EIF2D: variants seen among roughly 807,000 people sequenced by gnomAD.
EIF2D encodes the protein hepatocellular carcinoma-associated antigen 56.
EIF2D carries 56 observed loss-of-function variants against 77.4 expected under a neutral mutation model. That is an observed-to-expected ratio of 0.72 (90% confidence interval 0.58 to 0.90). The LOEUF is 0.90. Ranked by LOEUF, EIF2D falls within the 40% of genes least tolerant of loss-of-function variation. The pLI, the probability that EIF2D is intolerant of heterozygous loss-of-function variation, is 0.00. For synonymous variants in EIF2D, 230 were observed against 271.0 expected, an observed-to-expected ratio of 0.85 and a Z score of 1.49; for missense variants, 574 against 706.5, an observed-to-expected ratio of 0.81 and a Z score of 2.13.
intron 2 of EIF2D, among the ~76,000 whole-genome samples, chr1:206,582,573 G>A (rs949488955): frequency 1.3e-5 from 2 of 152,200 alleles, no homozygotes; most frequent in African/African-American, 4.8e-5. Flanking sequence ...AATTCTAGGT[G>A]TCCCTGTGCC....
downstream of EIF2D, chr1:206,587,142 C>T (rs7541244): frequency 0.18 from 155,714 of 863,092 alleles, 15,565 homozygotes; most frequent in East Asian, 0.24. Context: ...AGTGTTTGCA[C>T]GAGGGTTCAG....
downstream of EIF2D, chr1:206,588,122 C>T (rs1669199256): frequency 6.5e-6 from 1 of 152,830 alleles, no homozygotes; most frequent in South Asian, 2.1e-4. Context: ...TCCCCGTCGA[C>T]CTCAGTGCCT....
rs1057513218 is a variant in EIF2D at position 206,593,149 on chromosome 1, T to A, written c.1684+470A>T. ...CTTAGACTCTGGAGTCTAAAAAAGT[T>A]TCGTGCCCAGCTATATCACTCAAGA... On this transcript the variant is annotated intron_variant, in intron 14 of 14. Transcript: ENST00000271764. Among the ~76,000 whole-genome samples, 7 of 151,916 alleles carry A rather than the reference T, an allele frequency of 4.6e-5. No homozygotes were observed. In the East Asian group the frequency reaches 1.4e-3, roughly 29 times the overall value.
intron 2 of EIF2D, chr1:206,585,411 G>A: frequency 1.3e-6 from 1 of 765,972 alleles, no homozygotes; most frequent in Non-Finnish European, 2.3e-6. Flanking sequence ...GCAGGAAGGT[G>A]ACTGTTGAGA....
At chr1:206,596,996 A>G (rs996013270) in intron 12 of EIF2D, 104 bp downstream of exon 12, 2 of 861,140 alleles carry the variant, frequency 2.3e-6, no homozygotes, top group Admixed American at 4.4e-5. Context: ...TGAATTACAG[A>G]AAGAAAATCA....
exon 3 of EIF2D, chr1:206,581,145 C>T (rs1668857442): frequency 6.6e-6 from 1 of 152,242 alleles, no homozygotes; most frequent in African/African-American, 2.4e-5. Flanking sequence ...TTCTTAAACT[C>T]AGCCTCAGTT....
chr1:206,587,110 G>GC (rs1669149738), downstream of EIF2D: 1 of 1,170,138 alleles, frequency 8.5e-7, no homozygotes, highest in African/African-American at 1.5e-5. Context: ...TCCAGCTGTG[G>GC]CAAAAGTCTC....
intron 2 of EIF2D, chr1:206,583,803 G>A (rs974616616): frequency 5.2e-6 from 1 of 191,754 alleles, no homozygotes; most frequent in South Asian, 8.4e-5. Context: ...TTAGCACCCA[G>A]TTGGGAAAGG....
At position 206,584,863 on chromosome 1, in the gene EIF2D, C is replaced by A. The variant is rs1279487258; in HGVS notation, c.139-3701G>T. The A allele has an allele frequency of 1.1e-5, 7 of 664,372 alleles. No homozygotes were observed. Among genetic ancestry groups the A allele is most frequent in the Non-Finnish European group, 1.8e-5 (7 of 392,530 alleles). The allele number at this position is 664,372 out of a possible 1,614,324, so 41.2% of individuals were successfully genotyped here. A position where few individuals can be genotyped will look rare whatever the true frequency, so the allele number is the denominator to read the frequency against. On this transcript the variant is annotated intron_variant and NMD_transcript_variant, in intron 2 of 5. Transcript: ENST00000472709. The surrounding 1 kb of genome is among the most constrained non-coding windows in gnomAD (Gnocchi z 4.9). ...CGGGCAGGGAGGCAAGAGCAGAGTC[C>A]CTGACTCTGCATGTGACTTCAGGAA...
chr1:206,593,787 C>T lies in EIF2D; in HGVS notation c.1516G>A (p.Val506Met), dbSNP rs750328100. The T allele has an allele frequency of 5.9e-5, 95 of 1,598,476 alleles. No individual in the cohort carries two copies. The highest frequency in any genetic ancestry group is 7.5e-5 in the Non-Finnish European group (88 of 1,168,706). Residue 506 changes from valine to methionine, a missense_variant, in exon 14 of 15, where the codon GTG becomes ATG. Transcript: ENST00000271764. The part of the protein sequence containing the change: ...AQRASNKKVT[V>M]VRNLEAYGLD... ...CCATAGGCCTCCAAGTTCCGGACCA[C>T]GGTCACCTGGGGGGACAGTGGGGAC...
Position 206,573,063 on chromosome 1 carries a change from G to A in EIF2D, c.*255-364C>T, listed in dbSNP as rs555701509. ...TGATGATGATAATTTGGATGATGAC[G>A]CACTAGCTAACATTTATGGAGTGCT... On this transcript the variant is annotated intron_variant and NMD_transcript_variant, in intron 4 of 5. Coordinates refer to the EIF2D transcript ENST00000472709. 8.5e-5 allele frequency among the ~76,000 whole-genome samples: 13 copies of A among 152,312 alleles called. No homozygotes were observed. In the South Asian group the frequency reaches 2.1e-3, roughly 24 times the overall value.
exon 6 of EIF2D, chr1:206,571,417 G>A (rs1298276155): frequency 1.3e-5 from 2 of 152,078 alleles, no homozygotes; most frequent in Non-Finnish European, 2.9e-5. Context: ...GGCCTGGGAT[G>A]GGGTATTGGG....
chr1:206,575,658 A>G (rs1269188298), intron 4 of EIF2D, among the ~76,000 whole-genome samples: 1 of 152,186 alleles, frequency 6.6e-6, no homozygotes, highest in African/African-American at 2.4e-5. Flanking sequence ...CAATGATGAG[A>G]AAAAAACACC....
Position 206,611,213 on chromosome 1 carries a change from A to G in EIF2D, c.218T>C (p.Phe73Ser). The G allele has an allele frequency of 1.2e-6, 2 of 1,613,862 alleles. No homozygotes were observed. The highest frequency in any genetic ancestry group is 2.2e-5 in the East Asian group (1 of 44,884). The change falls in exon 2 of 15, where the codon TTT becomes TCT. Residue 73 changes from phenylalanine (F) to serine (S), a missense_variant. Transcript: ENST00000271764. The part of the protein sequence containing the change: ...VYVSGGNPIL[F>S]ELEKNLYPTV... ...TGGATACAGATTTTTCTCCAGTTCA[A>G]AGAGGATGGGGTTACCACCACTCAC... is the stretch of plus-strand genomic sequence containing the variant.
exon 5 of EIF2D, chr1:206,572,685 A>G (rs371706157): frequency 6.6e-6 from 1 of 152,234 alleles, no homozygotes; most frequent in East Asian, 1.9e-4. Flanking sequence ...GAGGTCCACA[A>G]AAACGTTTTA....
chr1:206,581,297 A>T (rs1392692715), intron 2 of EIF2D: 1 of 152,606 alleles, frequency 6.6e-6, no homozygotes, highest in African/African-American at 2.4e-5. Context: ...CGATGCCATG[A>T]TGGAAAGAGG....
At chr1:206,587,665 G>C (rs934247471), downstream of EIF2D, 2 of 153,494 alleles carry the variant, frequency 1.3e-5, no homozygotes, top group African/African-American at 4.8e-5. Flanking sequence ...AAACCCAAAG[G>C]CATATATCTG....
In EIF2D at chr1:206,593,784, C is replaced by T; in HGVS notation, c.1519G>A (p.Val507Ile). 1.3e-6 allele frequency: 2 copies of T among 1,599,612 alleles called. No homozygotes were observed. Among genetic ancestry groups the T allele is most frequent in the Non-Finnish European group, 1.7e-6 (2 of 1,169,338 alleles). ...AGACCATAGGCCTCCAAGTTCCGGA[C>T]CACGGTCACCTGGGGGGACAGTGGG... ...QRASNKKVTV[V>I]RNLEAYGLDP... is the part of the protein sequence containing the mutation. Residue 507 changes from valine to isoleucine, a missense_variant, in exon 14 of 15, where the codon GTC becomes ATC. Coordinates refer to ENST00000271764, the MANE Select transcript of EIF2D (RefSeq NM_006893.3).
At chr1:206,593,110 C>A (rs1368123735) in intron 14 of EIF2D, among the ~76,000 whole-genome samples, 15 of 145,048 alleles carry the variant, frequency 1.0e-4, no homozygotes, top group South Asian at 2.2e-4. Context: ...GATTCTGTTT[C>A]AAAAAAAAAA....
Sources: allele counts gnomAD v4.1 joint callset (sites outside exome capture counted in the v4.1 genomes callset), GRCh38; gene constraint gnomAD v4.1.1; non-coding constraint Gnocchi (gnomAD v3.1); transcripts MANE v1.5; gene names NCBI Gene and HGNC (gene_info 2026-07-23, HGNC 2026-07-21).